IRF1: variants seen among roughly 807,000 people sequenced by gnomAD.
The protein encoded by IRF1 is interferon regulatory factor 1.
A neutral mutation model predicts 43.7 loss-of-function variants in IRF1; 13 were observed. The observed-to-expected ratio is 0.30, with a 90% CI of 0.19 to 0.47. The LOEUF is 0.47. Among genes scored for constraint, IRF1 ranks in the 20% least tolerant of loss-of-function variants. The pLI is 0.99. For synonymous variants in IRF1, 138 were observed against 146.8 expected (o/e 0.94, Z 0.43); for missense variants, 236 against 408.9 (o/e 0.58, Z 3.65).
At chr5:132,488,866 G>A (rs142365706) in intron 2 of IRF1, 1 of 158,214 alleles carries the variant, frequency 6.3e-6, no homozygotes, top group African/African-American at 2.4e-5. Context: ...GGCACACAGG[G>A]AGTGTTCAGT....
At chr5:132,485,032 C>T (rs1259956614) in intron 8 of IRF1, 1 of 155,168 alleles carries the variant, frequency 6.4e-6, no homozygotes, top group Non-Finnish European at 1.4e-5. Context: ...CCTGCCTCAG[C>T]CTTCAGAGTA....
intron 2 of IRF1, 95 bp from the exon 3 acceptor site, chr5:132,488,120 G>A: frequency 1.1e-6 from 1 of 928,094 alleles, no homozygotes; most frequent in South Asian, 1.3e-5. Context: ...AGCCAGACAG[G>A]TCTGAGAAAA....
intron 7 of IRF1, 106 bp downstream of exon 7, chr5:132,486,145 A>T: frequency 6.8e-7 from 1 of 1,472,890 alleles, no homozygotes; most frequent in Non-Finnish European, 9.3e-7. Context: ...TGCCCAACTC[A>T]ATCAATTCAG....
intron 9 of IRF1, 110 bp from the exon 10 acceptor site, chr5:132,484,185 G>A (rs1754458237): frequency 2.0e-6 from 3 of 1,484,664 alleles, no homozygotes; most frequent in Middle Eastern, 4.1e-4. Context: ...CAGCACAGCA[G>A]TAAACATCCA....
At chr5:132,485,849 A>AACACACACAC (rs1754510033) in intron 7 of IRF1, 133 bp from the exon 8 acceptor site, 1 of 641,428 alleles carries the variant, frequency 1.6e-6, no homozygotes, top group Non-Finnish European at 2.8e-6. Context: ...ACACACACAC[A>AACACACACAC]CCCTCCCGGT....
rs1754401631 is a variant in IRF1 at position 132,482,313 on chromosome 5, G to A, written c.*1638C>T. ...GGCTCACTGCAAGCTCTGCCTCCGG[G>A]GTTCATGCCATTCTCCTGCCTCAGC... On this transcript the variant is annotated 3_prime_UTR_variant, in exon 10 of 10. Coordinates refer to ENST00000245414, the MANE Select transcript of IRF1 (RefSeq NM_002198.3). The A allele has an allele frequency of 6.6e-6, 1 of 151,714 alleles. No homozygotes were observed. Among genetic ancestry groups the A allele is most frequent in the African/African-American group, 2.4e-5 (1 of 41,258 alleles). The allele number at this position is 151,714 out of a possible 1,614,324, so 9.4% of individuals were successfully genotyped here.
rs983282517 is a variant in IRF1 at position 132,481,838 on chromosome 5, A to T, written c.*2113T>A. 1 of 152,370 alleles carries T rather than the reference A, an allele frequency of 6.6e-6. No individual in the cohort carries two copies. The highest frequency in any genetic ancestry group is 6.5e-5 in the Admixed American group (1 of 15,280). 9.4% of individuals were successfully genotyped at this position (152,370 alleles called of 1,614,324 possible). A position where few individuals can be genotyped will look rare whatever the true frequency, so the allele number is the denominator to read the frequency against. The stretch of plus-strand genomic sequence containing the variant: ...TGACTGTTCTGTCTGTGACTGTGTC[A>T]TATCAACTGACTTTTTGGAGCAGCA... On this transcript the variant is annotated 3_prime_UTR_variant, in exon 10 of 10. Coordinates refer to ENST00000245414, the MANE Select transcript of IRF1 (RefSeq NM_002198.3).
At chr5:132,489,686 C>A in intron 1 of IRF1, 1 of 522,154 alleles carries the variant, frequency 1.9e-6, no homozygotes, top group Non-Finnish European at 3.5e-6. Flanking sequence ...GCTTTTGCCC[C>A]TTCCTTCAGC....
Position 132,487,778 on chromosome 5 carries a change from C to T in IRF1, c.187+148G>A, listed in dbSNP as rs538313416. 246 of 609,944 alleles carry T rather than the reference C, an allele frequency of 4.0e-4. 7 individuals carry two copies. The South Asian group carries it at 4.2e-3, about 11-fold the overall frequency. 37.8% of individuals were successfully genotyped at this position (609,944 alleles called of 1,614,324 possible). ...GATGATCGACTCTCTTCTCCAGAAA[C>T]ACAAGTCTGCCACCAGCCCCTCTTC... On this transcript the variant is annotated intron_variant, in intron 3 of 9. Transcript: ENST00000245414.
chr5:132,488,432 T>G, intron 2 of IRF1: 1 of 179,722 alleles, frequency 5.6e-6, no homozygotes, highest in Non-Finnish European at 1.2e-5. Context: ...GCATGGGCTC[T>G]TACACAGGGG....
chr5:132,487,780 C>A, intron 3 of IRF1, 146 bp downstream of exon 3: 1 of 611,180 alleles, frequency 1.6e-6, no homozygotes, highest in Non-Finnish European at 2.9e-6. Flanking sequence ...TCCAGAAACA[C>A]AAGTCTGCCA....
At position 132,485,850 on chromosome 5, in the gene IRF1, C is replaced by CACACACACACACA; in HGVS notation, c.668-135_668-134insTGTGTGTGTGTGT. 8 of 602,232 alleles carry CACACACACACACA rather than the reference C, an allele frequency of 1.3e-5. No individual in the cohort carries two copies. In the African/African-American group the frequency reaches 1.9e-4, roughly 14 times the overall value. The allele number at this position is 602,232 out of a possible 1,614,324, so 37.3% of individuals were successfully genotyped here. ...TCTGACACACACACACACACACACA[C>CACACACACACACA]CCTCCCGGTGGACCTATCTGCCATA... On this transcript the variant is annotated intron_variant, in intron 7 of 9. Coordinates refer to ENST00000245414, the MANE Select transcript of IRF1 (RefSeq NM_002198.3).
chr5:132,484,117 G>A (rs1432385806), intron 9 of IRF1, 42 bp from the exon 10 acceptor site: 9 of 1,606,830 alleles, frequency 5.6e-6, no homozygotes, highest in Admixed American at 5.0e-5. Context: ...AGGGGACGGT[G>A]GCATCAGGTG....
intron 8 of IRF1, 166 bp from the exon 9 acceptor site, chr5:132,484,663 G>A (rs1466963491): frequency 2.6e-6 from 2 of 770,058 alleles, no homozygotes; most frequent in Non-Finnish European, 4.1e-6. Context: ...AAGGGCCCGG[G>A]AGGGAGGAGG....
chr5:132,488,690 G>A (rs915828997), intron 2 of IRF1: 9 of 152,878 alleles, frequency 5.9e-5, no homozygotes, highest in East Asian at 3.8e-4. Context: ...GAGTCAGACC[G>A]TTCAAGTTCA....
At chr5:132,489,243 G>T (rs1047898737) in intron 2 of IRF1, 149 bp downstream of exon 2, 5 of 657,198 alleles carry the variant, frequency 7.6e-6, no homozygotes, top group Non-Finnish European at 1.4e-5. Flanking sequence ...AGGCTGGGCC[G>T]TGCACACTCC....
chr5:132,485,572 C>G, intron 8 of IRF1, 95 bp downstream of exon 8: 1 of 968,906 alleles, frequency 1.0e-6, no homozygotes, highest in Non-Finnish European at 1.7e-6. Context: ...GTGACAACAG[C>G]AGCTACCCAT....
Position 132,489,286 on chromosome 5 carries a change from C to T in IRF1, c.87+106G>A, listed in dbSNP as rs1379680999. 4.6e-6 allele frequency: 4 copies of T among 876,228 alleles called. No homozygotes were observed. The Admixed American group carries it at 7.4e-5, about 16-fold the overall frequency. The allele number at this position is 876,228 out of a possible 1,614,324, so 54.3% of individuals were successfully genotyped here. A position where few individuals can be genotyped will look rare whatever the true frequency, so the allele number is the denominator to read the frequency against. On this transcript the variant is annotated intron_variant, in intron 2 of 9. Coordinates refer to ENST00000245414, the MANE Select transcript of IRF1 (RefSeq NM_002198.3). ...CAGGACCCACTGGGAGAAACACCTG[C>T]TTGTCCCGTTATCACTTCCCTTTTT...
chr5:132,489,594 C>G (rs1471654015), intron 1 of IRF1, 111 bp from the exon 2 acceptor site: 4 of 770,504 alleles, frequency 5.2e-6, no homozygotes, highest in Non-Finnish European at 9.1e-6. Flanking sequence ...CAGCCAGCTG[C>G]TAGGTACTAC....
Sources: allele counts gnomAD v4.1 joint callset, GRCh38; gene constraint gnomAD v4.1.1; transcripts MANE v1.5; gene names NCBI Gene and HGNC (gene_info 2026-07-23, HGNC 2026-07-21).